The following VAV3 variants were observed in gnomAD, a reference collection of about 807,000 sequenced individuals.
VAV3 encodes the protein guanine nucleotide exchange factor VAV3.
A neutral mutation model predicts 131.2 loss-of-function variants in VAV3; 94 were observed. The observed-to-expected ratio is 0.72, with a 90% confidence interval of 0.61 to 0.85. The LOEUF is 0.85. VAV3 is among the 40% of genes least tolerant of loss of function. The pLI is 0.00. For synonymous variants in VAV3, 349 were observed against 342.0 expected (o/e 1.02, Z -0.22); for missense variants, 939 against 1,002.7 (o/e 0.94, Z 0.86).
At chr1:107,615,032 C>T (rs930052212) in intron 21 of VAV3, among the ~76,000 whole-genome samples, 4 of 152,108 alleles carry the variant, frequency 2.6e-5, no homozygotes, top group African/African-American at 4.8e-5. Flanking sequence ...GATAGAGAAT[C>T]ATTTTAGCTT....
intron 19 of VAV3, among the ~76,000 whole-genome samples, chr1:107,671,013 AG>A (rs773713167): frequency 1.3e-5 from 2 of 152,240 alleles, no homozygotes; most frequent in Non-Finnish European, 2.9e-5. Context: ...GGATCCCCAA[AG>A]CATGGCATTA....
intron 2 of VAV3, among the ~76,000 whole-genome samples, chr1:107,838,252 T>A (rs1480828545): frequency 6.6e-6 from 1 of 152,066 alleles, no homozygotes; most frequent in Non-Finnish European, 1.5e-5. Flanking sequence ...GGAACTTAAA[T>A]AAATCAAGCA....
chr1:107,681,642 C>T (rs1002701741), intron 19 of VAV3, among the ~76,000 whole-genome samples: 18 of 145,740 alleles, frequency 1.2e-4, no homozygotes, highest in African/African-American at 4.1e-4. Context: ...ATTTATTATA[C>T]GTAATGGAAA....
intron 19 of VAV3, among the ~76,000 whole-genome samples, chr1:107,665,829 TCA>T (rs1657370461): frequency 6.6e-6 from 1 of 152,218 alleles, no homozygotes; most frequent in East Asian, 1.9e-4. Flanking sequence ...GGTTGCAAAA[TCA>T]CACAGCCAAA....
chr1:107,889,120 TCTCC>T (rs1221519067), intron 1 of VAV3, among the ~76,000 whole-genome samples: 1 of 125,928 alleles, frequency 7.9e-6, no homozygotes, highest in Non-Finnish European at 1.7e-5. Context: ...TGTTCCAAGT[TCTCC>T]TGTGTAGAGT....
intron 1 of VAV3, among the ~76,000 whole-genome samples, chr1:107,877,965 C>T (rs1292955617): frequency 1.4e-4 from 21 of 152,118 alleles, no homozygotes; most frequent in Admixed American, 1.4e-3. Context: ...AGTGAGGCTG[C>T]CAGCCTGCCA....
chr1:107,761,679 G>A (rs12137897), intron 9 of VAV3, among the ~76,000 whole-genome samples: 17,881 of 152,086 alleles, frequency 0.12, 1,180 homozygotes, highest in Non-Finnish European at 0.14. Context: ...TAGGCCTTTC[G>A]TAACAATTAC....
At chr1:107,834,914 AC>A (rs1008913058) in intron 2 of VAV3, among the ~76,000 whole-genome samples, 9 of 152,026 alleles carry the variant, frequency 5.9e-5, no homozygotes, top group African/African-American at 2.2e-4. Flanking sequence ...AGATCCCATG[AC>A]CCCCACAGGC....
At chr1:107,827,082 C>A (rs1173431007) in intron 2 of VAV3, among the ~76,000 whole-genome samples, 1 of 152,070 alleles carries the variant, frequency 6.6e-6, no homozygotes, top group African/African-American at 2.4e-5. Context: ...GTCTTCTCCA[C>A]AAAATTTTAA....
At chr1:107,692,957 TG>T (rs1478422836) in intron 17 of VAV3, among the ~76,000 whole-genome samples, 1 of 152,024 alleles carries the variant, frequency 6.6e-6, no homozygotes, top group Non-Finnish European at 1.5e-5. Context: ...GAGTAAGAAG[TG>T]GAGACCAAAG....
At chr1:107,586,868 T>C (rs139656217) in intron 25 of VAV3, among the ~76,000 whole-genome samples, 2 of 152,232 alleles carry the variant, frequency 1.3e-5, no homozygotes, top group East Asian at 1.9e-4. Flanking sequence ...TCACAGTAAA[T>C]AGCTATAGTA....
At chr1:107,630,320 A>G (rs1383621365) in intron 20 of VAV3, among the ~76,000 whole-genome samples, 1 of 146,864 alleles carries the variant, frequency 6.8e-6, no homozygotes, top group Non-Finnish European at 1.5e-5. Flanking sequence ...GATGAATGGT[A>G]GGATAAAAAG....
Position 107,777,229 on chromosome 1 carries a change from A to T in VAV3, c.446+2T>A. The T allele has an allele frequency of 6.2e-7, 1 of 1,613,562 alleles. No homozygotes were observed. Among genetic ancestry groups the T allele is most frequent in the African/African-American group, 1.3e-5 (1 of 74,998 alleles). On this transcript the variant is annotated splice_donor_variant, in intron 4 of 26. Coordinates refer to ENST00000370056, the MANE Select transcript of VAV3 (RefSeq NM_006113.5). LOFTEE classifies it high-confidence loss of function. ...AAATTTTGCTTGAAATTTTCAACAT[A>T]CTCTATTAAATCAGGAAGGCCTTTG...
intron 2 of VAV3, among the ~76,000 whole-genome samples, chr1:107,852,781 C>A (rs1669286543): frequency 6.6e-6 from 1 of 152,058 alleles, no homozygotes; most frequent in African/African-American, 2.4e-5. Context: ...AGGTCAAAGA[C>A]CATAAACAAT....
At chr1:107,674,872 T>G (rs1412288712) in intron 19 of VAV3, among the ~76,000 whole-genome samples, 3 of 152,234 alleles carry the variant, frequency 2.0e-5, no homozygotes, top group Non-Finnish European at 4.4e-5. Context: ...TTGGTTTGCA[T>G]ATTCTGATGA....
Position 107,573,241 on chromosome 1 carries a change from A to G in VAV3, c.*90T>C. The G allele has an allele frequency of 1.4e-6, 2 of 1,463,848 alleles. No individual in the cohort carries two copies. Among genetic ancestry groups the G allele is most frequent in the Non-Finnish European group, 1.9e-6 (2 of 1,066,670 alleles). The allele number at this position is 1,463,848 out of a possible 1,614,324, so 90.7% of individuals were successfully genotyped here. On this transcript the variant is annotated 3_prime_UTR_variant, in exon 27 of 27. Coordinates refer to ENST00000370056, the MANE Select transcript of VAV3 (RefSeq NM_006113.5). ...TGAACAGCCAGAAATGCAGCTTTTT[A>G]AACACTTCAGTTAATTCACGATGCT...
intron 1 of VAV3, among the ~76,000 whole-genome samples, chr1:107,923,166 T>G (rs1458484070): frequency 2.0e-5 from 3 of 152,134 alleles, no homozygotes; most frequent in Non-Finnish European, 4.4e-5. Context: ...TAAGTTAAAT[T>G]GCCTTTTCTA....
At chr1:107,606,912 C>G (rs988737337) in intron 22 of VAV3, among the ~76,000 whole-genome samples, 1 of 135,596 alleles carries the variant, frequency 7.4e-6, no homozygotes, top group Non-Finnish European at 1.5e-5. Flanking sequence ...ACTGGAAACT[C>G]TGTGTGTGTG....
intron 20 of VAV3, among the ~76,000 whole-genome samples, chr1:107,626,761 G>C (rs1173489524): frequency 6.6e-6 from 1 of 152,170 alleles, no homozygotes; most frequent in Non-Finnish European, 1.5e-5. Flanking sequence ...ACACTTACCA[G>C]TTCCAAGAAA....
Sources: allele counts gnomAD v4.1 joint callset (sites outside exome capture counted in the v4.1 genomes callset), GRCh38; gene constraint gnomAD v4.1.1; transcripts MANE v1.5; gene names NCBI Gene and HGNC (gene_info 2026-07-23, HGNC 2026-07-21).